NREP: variants seen among roughly 807,000 people sequenced by gnomAD.
NREP encodes the protein neuronal regeneration related protein, also known as neuronal regeneration-related protein.
NREP carries 5 observed loss-of-function variants against 8.6 expected under a neutral mutation model. The observed-to-expected ratio is 0.58, with a 90% CI of 0.30 to 1.22. The LOEUF (loss-of-function observed/expected upper bound fraction) is 1.22, where lower values mean the gene tolerates loss of function less well. NREP is among the 50% of genes most tolerant of loss of function. The probability of loss-of-function intolerance (pLI) is 0.07; values close to 1 mark genes in which losing one functional copy is unlikely to be tolerated. For synonymous variants in NREP, 27 were observed against 28.0 expected (o/e 0.96, Z 0.11); for missense variants, 86 against 82.5 (o/e 1.04, Z -0.17).
chr5:111,969,957 A>G (rs1271425503), intron 2 of NREP, among the ~76,000 whole-genome samples: 1 of 152,204 alleles, frequency 6.6e-6, no homozygotes, highest in Non-Finnish European at 1.5e-5. Context: ...ACAAAGCTCT[A>G]TTAGACATGT....
chr5:111,875,668 T>A (rs1477118900), intron 2 of NREP, among the ~76,000 whole-genome samples: 1 of 152,216 alleles, frequency 6.6e-6, no homozygotes, highest in Non-Finnish European at 1.5e-5. Context: ...AGCTCATCCC[T>A]TTTGGTACAT....
Position 111,735,416 on chromosome 5 carries a change from T to C in NREP, c.81+14A>G. 8.3e-6 allele frequency: 13 copies of C among 1,562,306 alleles called. No individual in the cohort carries two copies. The highest frequency in any genetic ancestry group is 1.1e-5 in the South Asian group (1 of 89,906). ...TGAAAATAGTGTTAACAATATGGCA[T>C]CTAAGGATCTTACCTTAGGAAGCCT... On this transcript the variant is annotated intron_variant, in intron 3 of 3. Transcript: ENST00000257435.
chr5:111,820,153 C>T (rs894269868), intron 2 of NREP, among the ~76,000 whole-genome samples: 3 of 152,010 alleles, frequency 2.0e-5, no homozygotes, highest in South Asian at 4.2e-4. Context: ...TCACCCTGAC[C>T]GTCAGAAGCC....
At chr5:111,742,140 C>T (rs1218871023) in intron 2 of NREP, among the ~76,000 whole-genome samples, 2 of 152,126 alleles carry the variant, frequency 1.3e-5, no homozygotes, top group Non-Finnish European at 2.9e-5. Context: ...ATTCCCACTA[C>T]GGGCACAGAA....
intron 2 of NREP, among the ~76,000 whole-genome samples, chr5:111,907,916 A>G (rs951621045): frequency 2.0e-5 from 3 of 152,098 alleles, no homozygotes; most frequent in African/African-American, 7.2e-5. Context: ...TACCAAGATC[A>G]GTGCTGGCAC....
chr5:111,883,204 C>G (rs1026580783), intron 2 of NREP, among the ~76,000 whole-genome samples: 2 of 152,110 alleles, frequency 1.3e-5, no homozygotes, highest in African/African-American at 4.8e-5. Context: ...AGACTTTAAA[C>G]CAGCAAAGAT....
chr5:111,761,569 G>A (rs6870094), upstream of NREP, among the ~76,000 whole-genome samples: 1 of 152,132 alleles, frequency 6.6e-6, no homozygotes, highest in Non-Finnish European at 1.5e-5. Context: ...ACCTGAACTT[G>A]GACTTTATTT....
At chr5:111,756,834 G>C (rs1750744399) in intron 1 of NREP, among the ~76,000 whole-genome samples, 1 of 152,146 alleles carries the variant, frequency 6.6e-6, no homozygotes, top group African/African-American at 2.4e-5. Context: ...CAAGGCTTTA[G>C]GAGCAAGAAG....
intron 2 of NREP, among the ~76,000 whole-genome samples, chr5:111,785,328 G>A (rs1404806163): frequency 1.3e-5 from 2 of 152,060 alleles, no homozygotes; most frequent in Non-Finnish European, 2.9e-5. Flanking sequence ...ATCCAGGCTG[G>A]AGTGCAGTGG....
intron 2 of NREP, among the ~76,000 whole-genome samples, chr5:111,905,407 G>C (rs893674156): frequency 2.6e-5 from 4 of 152,090 alleles, no homozygotes; most frequent in African/African-American, 9.7e-5. Flanking sequence ...TTTTAAATAA[G>C]TATTGATTTT....
intron 1 of NREP, 36 bp downstream of exon 1, chr5:111,757,100 C>T: frequency 1.6e-6 from 1 of 633,786 alleles, no homozygotes; most frequent in Non-Finnish European, 2.0e-6. Context: ...GAGAAACCAG[C>T]GCTCCCAGCC....
intron 2 of NREP, among the ~76,000 whole-genome samples, chr5:111,863,239 T>A (rs1753591883): frequency 6.6e-6 from 1 of 152,070 alleles, no homozygotes; most frequent in South Asian, 2.1e-4. Flanking sequence ...GGTGATAGGT[T>A]AGACATGGAG....
At chr5:111,799,333 A>G (rs972984517) in intron 2 of NREP, among the ~76,000 whole-genome samples, 1 of 152,030 alleles carries the variant, frequency 6.6e-6, no homozygotes, top group Non-Finnish European at 1.5e-5. Context: ...TGGGAATTGC[A>G]TTGAATTTGT....
chr5:111,863,292 G>A (rs1221522678), intron 2 of NREP, among the ~76,000 whole-genome samples: 1 of 152,014 alleles, frequency 6.6e-6, no homozygotes, highest in Non-Finnish European at 1.5e-5. Flanking sequence ...CTCTTTGGGT[G>A]GTCTTCCATT....
chr5:111,848,999 G>C (rs1185811355), intron 2 of NREP, among the ~76,000 whole-genome samples: 1 of 151,964 alleles, frequency 6.6e-6, no homozygotes, highest in East Asian at 1.9e-4. Flanking sequence ...ACTGGCCCTG[G>C]GTTAACCTCT....
intron 2 of NREP, among the ~76,000 whole-genome samples, chr5:111,875,379 A>G (rs1200570475): frequency 6.6e-6 from 1 of 152,168 alleles, no homozygotes; most frequent in Admixed American, 6.5e-5. Context: ...AAAACCTCTC[A>G]TTATCTTTTT....
At chr5:111,756,847 C>G (rs1416656475) in intron 1 of NREP, among the ~76,000 whole-genome samples, 1 of 152,128 alleles carries the variant, frequency 6.6e-6, no homozygotes, top group Non-Finnish European at 1.5e-5. Flanking sequence ...GCAAGAAGAA[C>G]AAAATTAACC....
At chr5:111,859,434 A>G (rs927960060) in intron 2 of NREP, among the ~76,000 whole-genome samples, 4 of 152,306 alleles carry the variant, frequency 2.6e-5, no homozygotes, top group African/African-American at 9.6e-5. Context: ...AAAAAAGTCA[A>G]TATTTGAATC....
intron 2 of NREP, among the ~76,000 whole-genome samples, chr5:111,789,430 A>G (rs931684): frequency 0.41 from 61,652 of 151,974 alleles, 12,627 homozygotes; most frequent in Middle Eastern, 0.52. Flanking sequence ...GTCTACATTC[A>G]TGTTTTTTCT....
Sources: allele counts gnomAD v4.1 joint callset (sites outside exome capture counted in the v4.1 genomes callset), GRCh38; gene constraint gnomAD v4.1.1; transcripts MANE v1.5; gene names NCBI Gene and HGNC (gene_info 2026-07-23, HGNC 2026-07-21).